PDE10A: variants seen among roughly 807,000 people sequenced by gnomAD.
PDE10A encodes the protein phosphodiesterase 10A.
In PDE10A, 39 loss-of-function variants were observed where a neutral mutation model predicts 97.7. That is an observed-to-expected ratio of 0.40 (90% CI 0.31 to 0.52). The LOEUF is 0.52. PDE10A is among the 20% of genes least tolerant of loss of function. The probability of loss-of-function intolerance (pLI) is 0.56; values close to 1 mark genes in which losing one functional copy is unlikely to be tolerated. For missense variants in PDE10A, 731 were observed against 1,047.8 expected, an observed-to-expected ratio of 0.70 and a Z score of 4.17; for synonymous variants, 371 against 376.8, an observed-to-expected ratio of 0.98 and a Z score of 0.18.
At chr6:165,734,463 G>C (rs1369545621) in intron 1 of PDE10A, among the ~76,000 whole-genome samples, 2 of 151,958 alleles carry the variant, frequency 1.3e-5, no homozygotes, top group African/African-American at 4.8e-5. Flanking sequence ...AACATCTATA[G>C]GTATTTTTGA....
At chr6:165,851,184 A>G (rs1431199120) in intron 1 of PDE10A, among the ~76,000 whole-genome samples, 1 of 152,266 alleles carries the variant, frequency 6.6e-6, no homozygotes, top group African/African-American at 2.4e-5. Flanking sequence ...TGCAAATGCC[A>G]CATCAGTGAT....
chr6:165,335,703 A>G (rs1359739873), intron 21 of PDE10A, among the ~76,000 whole-genome samples: 2 of 151,890 alleles, frequency 1.3e-5, no homozygotes, highest in African/African-American at 2.4e-5. Flanking sequence ...AGAACCACAC[A>G]CATGCCCTTT....
intron 1 of PDE10A, among the ~76,000 whole-genome samples, chr6:165,576,174 C>G (rs772506313): frequency 9.2e-5 from 14 of 152,186 alleles, no homozygotes; most frequent in Non-Finnish European, 1.6e-4. Flanking sequence ...ACTAACCCAT[C>G]CAGTATGAAA....
At chr6:165,860,474 C>CA (rs1455982647) in intron 1 of PDE10A, among the ~76,000 whole-genome samples, 2 of 151,952 alleles carry the variant, frequency 1.3e-5, no homozygotes, top group Non-Finnish European at 2.9e-5. Context: ...CAAAACAAAA[C>CA]AAACAAACAA....
chr6:165,395,693 C>T (rs1786110805), intron 14 of PDE10A, among the ~76,000 whole-genome samples: 1 of 152,060 alleles, frequency 6.6e-6, no homozygotes, highest in Non-Finnish European at 1.5e-5. Context: ...GAGTTATTAC[C>T]TATTTTTCAT....
chr6:165,738,714 G>A (rs1162289442), intron 1 of PDE10A, among the ~76,000 whole-genome samples: 1 of 152,082 alleles, frequency 6.6e-6, no homozygotes, highest in Non-Finnish European at 1.5e-5. Context: ...TCTAACTGGT[G>A]TGAGATGATA....
chr6:165,545,497 C>T (rs1783693966), intron 1 of PDE10A, among the ~76,000 whole-genome samples: 1 of 151,940 alleles, frequency 6.6e-6, no homozygotes. Flanking sequence ...AGTGCATTAC[C>T]ATACAAGTCA....
At chr6:165,559,221 G>C (rs1784406824) in intron 1 of PDE10A, among the ~76,000 whole-genome samples, 1 of 152,200 alleles carries the variant, frequency 6.6e-6, no homozygotes. Context: ...CTGCTTAAAT[G>C]TAGTTGCCCA....
At chr6:165,464,973 C>G (rs1274199946) in intron 3 of PDE10A, among the ~76,000 whole-genome samples, 1 of 152,140 alleles carries the variant, frequency 6.6e-6, no homozygotes, top group African/African-American at 2.4e-5. Flanking sequence ...TATGAACATT[C>G]TTATGGAAGT....
intron 1 of PDE10A, among the ~76,000 whole-genome samples, chr6:165,670,562 C>A (rs762343249): frequency 6.6e-6 from 1 of 152,160 alleles, no homozygotes; most frequent in Non-Finnish European, 1.5e-5. Flanking sequence ...TGGAATTGAA[C>A]AACTAAAACC....
chr6:165,441,716 C>G (rs1359833874), intron 5 of PDE10A, among the ~76,000 whole-genome samples: 1 of 152,142 alleles, frequency 6.6e-6, no homozygotes, highest in East Asian at 1.9e-4. Flanking sequence ...AATGCGGGTA[C>G]AGGAGCCCAG....
intron 1 of PDE10A, among the ~76,000 whole-genome samples, chr6:165,613,370 G>A (rs1787584432): frequency 6.6e-6 from 1 of 152,152 alleles, no homozygotes. Context: ...GCCAGGTGTG[G>A]TGGCTCACCC....
intron 1 of PDE10A, among the ~76,000 whole-genome samples, chr6:165,889,619 C>T (rs1562784075): frequency 6.6e-6 from 1 of 152,164 alleles, no homozygotes; most frequent in African/African-American, 2.4e-5. Flanking sequence ...CTGGTGCTTT[C>T]CTAGGCTTCT....
chr6:165,618,590 C>A (rs1033285575), intron 1 of PDE10A, among the ~76,000 whole-genome samples: 2 of 152,118 alleles, frequency 1.3e-5, no homozygotes, highest in African/African-American at 4.8e-5. Flanking sequence ...ATATGCAGGG[C>A]CTCAAAGAAG....
intron 1 of PDE10A, among the ~76,000 whole-genome samples, chr6:165,985,221 C>G (rs1490001288): frequency 6.6e-6 from 1 of 152,234 alleles, no homozygotes; most frequent in African/African-American, 2.4e-5. Context: ...CAAAACATCT[C>G]CATCTGGTTC....
intron 1 of PDE10A, among the ~76,000 whole-genome samples, chr6:165,578,563 T>G (rs1785442108): frequency 6.6e-6 from 1 of 152,068 alleles, no homozygotes; most frequent in South Asian, 2.1e-4. Flanking sequence ...CAAACAACCT[T>G]CATCTCCCGC....
intron 1 of PDE10A, among the ~76,000 whole-genome samples, chr6:165,846,351 G>A (rs1350439969): frequency 6.6e-6 from 1 of 152,206 alleles, no homozygotes; most frequent in Non-Finnish European, 1.5e-5. Context: ...GTGCAGTGCA[G>A]TTACGGTGAG....
At chr6:165,763,489 AT>A (rs1378111310) in intron 1 of PDE10A, among the ~76,000 whole-genome samples, 1 of 151,878 alleles carries the variant, frequency 6.6e-6, no homozygotes, top group Non-Finnish European at 1.5e-5. Flanking sequence ...TACCCAGCTA[AT>A]TTTTGTATTT....
At position 165,353,386 on chromosome 6, in the gene PDE10A, T is replaced by C. The variant is rs377106176; in HGVS notation, c.2784-9884A>G. 1.4e-3 allele frequency among the ~76,000 whole-genome samples: 216 copies of C among 152,300 alleles called. 1 individual carries two copies. Among genetic ancestry groups the C allele is most frequent in the African/African-American group, 4.9e-3 (204 of 41,570 alleles). ...ACCCAGTAATTATGCTCCTTAATAC[T>C]TACCCAGAGGAGTTGGAAATTTATG... is the stretch of plus-strand genomic sequence containing the variant. On this transcript the variant is annotated intron_variant, in intron 18 of 21. Transcript: ENST00000539869.
Sources: gnomAD v4.1 joint callset for allele counts (sites outside exome capture counted in the v4.1 genomes callset) on GRCh38, gnomAD v4.1.1 for gene constraint, MANE v1.5 for transcripts, NCBI Gene and HGNC (gene_info 2026-07-23, HGNC 2026-07-21) for gene names.